UGGT1: variants seen among roughly 807,000 people sequenced by gnomAD.
The protein encoded by UGGT1 is UDP-glucose glycoprotein glucosyltransferase 1, also known as UDP-glucose:glycoprotein glucosyltransferase 1.
Under a neutral mutation model 203.9 loss-of-function variants are expected in UGGT1, and 107 were observed. The observed-to-expected ratio is 0.52, with a 90% CI of 0.45 to 0.62. The LOEUF (loss-of-function observed/expected upper bound fraction) is 0.62, where lower values mean the gene tolerates loss of function less well. Ranked by LOEUF, UGGT1 falls within the 20% of genes least tolerant of loss-of-function variation. The probability of loss-of-function intolerance (pLI) is 0.00; values close to 1 mark genes in which losing one functional copy is unlikely to be tolerated. For missense variants in UGGT1, 1,673 were observed against 1,867.2 expected, an observed-to-expected ratio of 0.90 and a Z score of 1.92; for synonymous variants, 628 against 653.5, an observed-to-expected ratio of 0.96 and a Z score of 0.59.
At chr2:128,100,744 A>G (rs1317879335) in intron 2 of UGGT1, among the ~76,000 whole-genome samples, 1 of 152,094 alleles carries the variant, frequency 6.6e-6, no homozygotes, top group Non-Finnish European at 1.5e-5. Context: ...TCTTACCCTG[A>G]ATTACATTTT....
chr2:128,102,430 CA>C (rs1347290018), intron 2 of UGGT1, among the ~76,000 whole-genome samples: 1 of 152,130 alleles, frequency 6.6e-6, no homozygotes, highest in East Asian at 1.9e-4. Flanking sequence ...AGGCGTGAGC[CA>C]CGGCGCCTGG....
At chr2:128,145,539 T>TAC (rs1174119194) in intron 17 of UGGT1, 5 of 337,748 alleles carry the variant, frequency 1.5e-5, no homozygotes, top group Admixed American at 4.6e-5. Context: ...CAAACACACG[T>TAC]ACACACACAC....
At chr2:128,171,326 T>C in intron 28 of UGGT1, 42 bp downstream of exon 28, 2 of 1,551,504 alleles carry the variant, frequency 1.3e-6, no homozygotes, top group Non-Finnish European at 1.8e-6. Flanking sequence ...GAAATTGTAC[T>C]GAATCCAAGT....
At chr2:128,184,035 A>G (rs1299237702) in intron 38 of UGGT1, among the ~76,000 whole-genome samples, 1 of 151,894 alleles carries the variant, frequency 6.6e-6, no homozygotes, top group East Asian at 1.9e-4. Flanking sequence ...GAGAGATGGA[A>G]GGAGAATGCT....
chr2:128,170,236 CTT>C (rs753676537), intron 26 of UGGT1, 50 bp from the exon 27 acceptor site: 2 of 1,540,678 alleles, frequency 1.3e-6, no homozygotes, highest in African/African-American at 1.4e-5. Context: ...ACAAAAAAAA[CTT>C]TTGTTTCCTG....
chr2:128,124,866 G>A (rs1215289390), intron 11 of UGGT1, among the ~76,000 whole-genome samples: 2 of 152,028 alleles, frequency 1.3e-5, no homozygotes, highest in South Asian at 2.1e-4. Context: ...CTTAAGCTGC[G>A]TTTTTGGGTT....
intron 8 of UGGT1, among the ~76,000 whole-genome samples, chr2:128,118,169 A>G (rs901287372): frequency 3.3e-5 from 5 of 152,322 alleles, no homozygotes; most frequent in South Asian, 2.1e-4. Context: ...AGTTCATCCT[A>G]CATGTATATA....
At chr2:128,097,249 G>T (rs539956931) in intron 1 of UGGT1, among the ~76,000 whole-genome samples, 180 bp from the exon 2 acceptor site, 167 of 152,276 alleles carry the variant, frequency 1.1e-3, no homozygotes, top group Non-Finnish European at 1.8e-3. Flanking sequence ...GGTGGTGCGT[G>T]CCTGTAATCC....
chr2:128,183,600 T>G, intron 37 of UGGT1, 75 bp from the exon 38 acceptor site: 1 of 1,096,888 alleles, frequency 9.1e-7, no homozygotes, highest in Non-Finnish European at 1.4e-6. Flanking sequence ...TAGTGGCCTG[T>G]TCCATTATTC....
intron 2 of UGGT1, among the ~76,000 whole-genome samples, chr2:128,101,633 A>G (rs1363972211): frequency 6.6e-6 from 1 of 152,176 alleles, no homozygotes; most frequent in African/African-American, 2.4e-5. Context: ...CAGCTTTTCC[A>G]TTGACTAACT....
At chr2:128,106,081 A>T (rs1347364364) in intron 3 of UGGT1, among the ~76,000 whole-genome samples, 1 of 149,154 alleles carries the variant, frequency 6.7e-6, no homozygotes, top group East Asian at 2.0e-4. Flanking sequence ...ATGGGATTAC[A>T]GGCGTGGGCC....
intron 10 of UGGT1, 143 bp from the exon 11 acceptor site, chr2:128,123,037 ATATATT>A (rs1422808248): frequency 7.5e-5 from 41 of 544,502 alleles, no homozygotes; most frequent in African/African-American, 6.7e-4. Context: ...GAAAGGAGAA[ATATATT>A]TATCAATTAT....
chr2:128,121,373 A>G (rs1688372248), intron 10 of UGGT1, 75 bp downstream of exon 10: 3 of 1,066,768 alleles, frequency 2.8e-6, no homozygotes, highest in Non-Finnish European at 4.0e-6. Context: ...ATGAGGTAAT[A>G]ACAATATGAA....
chr2:128,183,738 A>G lies in UGGT1; in HGVS notation c.4308A>G (p.Gly1436=), dbSNP rs1691827466. Residue 1436 remains glycine, a synonymous_variant, in exon 38 of 41, where the codon GGA becomes GGG. Coordinates refer to ENST00000259253, the MANE Select transcript of UGGT1 (RefSeq NM_020120.4). ...TAGCTGCTGGTGACAGACTCAGGGG[A>G]CAGTACCAAGGTCTGAGTCAGGACC... ...RKIAAGDRLR[G]QYQGLSQDPN... is the part of the protein sequence containing the mutation. The G allele has an allele frequency of 6.2e-7, 1 of 1,614,104 alleles. No homozygotes were observed. Among genetic ancestry groups the G allele is most frequent in the East Asian group, 2.2e-5 (1 of 44,882 alleles).
intron 1 of UGGT1, among the ~76,000 whole-genome samples, chr2:128,094,384 G>T (rs575280433): frequency 6.6e-6 from 1 of 152,270 alleles, no homozygotes; most frequent in African/African-American, 2.4e-5. Context: ...TTAGAAGATA[G>T]TTTTTTCTTA....
chr2:128,128,899 T>C (rs1272116768), intron 12 of UGGT1, 130 bp from the exon 13 acceptor site: 1 of 888,164 alleles, frequency 1.1e-6, no homozygotes, highest in East Asian at 2.8e-5. Flanking sequence ...TGTGTGTTTA[T>C]TGCTTTTTTA....
At position 128,091,366 on chromosome 2, in the gene UGGT1, C is replaced by T. The variant is rs781410010; in HGVS notation, c.9C>T (p.Cys3=). 3 of 1,569,224 alleles carry T rather than the reference C, an allele frequency of 1.9e-6. No homozygotes were observed. The highest frequency in any genetic ancestry group is 2.6e-6 in the Non-Finnish European group (3 of 1,157,364). ...CTGACCACGGCCCGGGCATGGGCTG[C>T]AAGGGAGACGCGAGCGGTGCGTGTG... The part of the protein sequence containing the change: MG[C]KGDASGACAA... The change falls in exon 1 of 41, where the codon TGC becomes TGT. Residue 3 remains cysteine (C), a synonymous_variant. Coordinates refer to ENST00000259253, the MANE Select transcript of UGGT1 (RefSeq NM_020120.4).
At chr2:128,135,577 A>T (rs1334105994) in intron 15 of UGGT1, among the ~76,000 whole-genome samples, 1 of 152,212 alleles carries the variant, frequency 6.6e-6, no homozygotes, top group Non-Finnish European at 1.5e-5. Context: ...ATAACTCTTT[A>T]TTCAATAAAT....
At chr2:128,134,010 C>G (rs979227623) in intron 14 of UGGT1, among the ~76,000 whole-genome samples, 1 of 146,040 alleles carries the variant, frequency 6.8e-6, no homozygotes, top group Non-Finnish European at 1.5e-5. Flanking sequence ...AGATTACCCT[C>G]TCTACTTTTC....
Sources: allele counts gnomAD v4.1 joint callset (sites outside exome capture counted in the v4.1 genomes callset), GRCh38; gene constraint gnomAD v4.1.1; transcripts MANE v1.5; gene names NCBI Gene and HGNC (gene_info 2026-07-23, HGNC 2026-07-21).